The following CCDC102B variants were observed in gnomAD, a reference collection of about 807,000 sequenced individuals.
CCDC102B encodes coiled-coil domain-containing protein 102B.
A neutral mutation model predicts 57.4 loss-of-function variants in CCDC102B; 75 were observed. The observed-to-expected ratio is 1.31, with a 90% confidence interval of 1.08 to 1.58. The LOEUF is 1.58. Ranked by LOEUF, CCDC102B falls within the 40% of genes most tolerant of loss-of-function variation. The probability of loss-of-function intolerance (pLI) is 0.00; values close to 1 mark genes in which losing one functional copy is unlikely to be tolerated. For synonymous variants in CCDC102B, 206 were observed against 201.9 expected, an observed-to-expected ratio of 1.02 and a Z score of -0.17; for missense variants, 636 against 582.6, an observed-to-expected ratio of 1.09 and a Z score of -0.94.
At chr18:68,857,686 T>C (rs1339710128) in intron 4 of CCDC102B, among the ~76,000 whole-genome samples, 3 of 151,922 alleles carry the variant, frequency 2.0e-5, no homozygotes, top group Non-Finnish European at 4.4e-5. Context: ...TTTTGTAATT[T>C]TCATGTACTG....
At chr18:68,931,801 C>G (rs548051739) in intron 6 of CCDC102B, among the ~76,000 whole-genome samples, 71 of 151,952 alleles carry the variant, frequency 4.7e-4, no homozygotes, top group Middle Eastern at 3.4e-3. Context: ...TCACCCATAT[C>G]CATTGGCTAA....
intron 6 of CCDC102B, among the ~76,000 whole-genome samples, chr18:68,926,000 T>G (rs2041463555): frequency 6.6e-6 from 1 of 152,008 alleles, no homozygotes; most frequent in Non-Finnish European, 1.5e-5. Flanking sequence ...ATTTATACAT[T>G]TTGGAGTTTT....
chr18:68,869,594 T>C (rs1403585893), intron 4 of CCDC102B, among the ~76,000 whole-genome samples: 1 of 152,232 alleles, frequency 6.6e-6, no homozygotes, highest in Non-Finnish European at 1.5e-5. Context: ...TAAATCTGTT[T>C]AAGTTCGTTA....
chr18:69,053,457 A>C (rs1332316488), intron 7 of CCDC102B, among the ~76,000 whole-genome samples: 1 of 151,736 alleles, frequency 6.6e-6, no homozygotes, highest in Non-Finnish European at 1.5e-5. Context: ...CAAGAGGGGA[A>C]ATGGGAGAAG....
At chr18:69,031,642 T>G (rs1226406183) in intron 7 of CCDC102B, among the ~76,000 whole-genome samples, 1 of 152,118 alleles carries the variant, frequency 6.6e-6, no homozygotes, top group East Asian at 1.9e-4. Context: ...TTCAAAACTT[T>G]TTTGGATGAA....
intron 4 of CCDC102B, among the ~76,000 whole-genome samples, chr18:68,857,296 T>TAA (rs1568292957): frequency 0.082 from 1,750 of 21,392 alleles, 146 homozygotes; most frequent in Non-Finnish European, 0.098. Context: ...TTATATATTA[T>TAA]ATATATAATA....
intron 5 of CCDC102B, among the ~76,000 whole-genome samples, chr18:68,891,078 A>G (rs556487929): frequency 1.3e-5 from 2 of 152,244 alleles, no homozygotes; most frequent in African/African-American, 4.8e-5. Context: ...TTTTATCTGT[A>G]TCTCTTTTAA....
chr18:68,977,221 G>A (rs2050460523), intron 6 of CCDC102B, among the ~76,000 whole-genome samples: 1 of 151,968 alleles, frequency 6.6e-6, no homozygotes, highest in African/African-American at 2.4e-5. Context: ...TCAGTTTATA[G>A]TCTTGGGGTT....
chr18:68,862,390 G>T (rs1337300086), intron 4 of CCDC102B, among the ~76,000 whole-genome samples: 1 of 152,090 alleles, frequency 6.6e-6, no homozygotes, highest in Non-Finnish European at 1.5e-5. Context: ...ATGCAATTGA[G>T]TTAGGTATTA....
intron 7 of CCDC102B, among the ~76,000 whole-genome samples, chr18:69,045,390 A>T (rs1436012330): frequency 6.6e-6 from 1 of 152,088 alleles, no homozygotes; most frequent in African/African-American, 2.4e-5. Flanking sequence ...AAATACTCTC[A>T]AAATTATGGT....
At position 68,715,386 on chromosome 18, in the gene CCDC102B, G is replaced by A. The variant is rs2031882507; in HGVS notation, c.-134+25G>A. 4 of 368,254 alleles carry A rather than the reference G, an allele frequency of 1.1e-5. No individual in the cohort carries two copies. The South Asian group carries it at 1.9e-4, about 18-fold the overall frequency. The allele number at this position is 368,254 out of a possible 1,614,324, so 22.8% of individuals were successfully genotyped here. A position where few individuals can be genotyped will look rare whatever the true frequency, so the allele number is the denominator to read the frequency against. On this transcript the variant is annotated intron_variant, in intron 1 of 3. Coordinates refer to the CCDC102B transcript ENST00000578970. ...GGTAGGCTCTGACGACGCACTTGCAGGTTGAATACTGGCACATCATTTACT... is the reference window on the plus strand; with the variant it reads ...GGTAGGCTCTGACGACGCACTTGCAAGTTGAATACTGGCACATCATTTACT...
At chr18:68,745,980 G>A (rs2033603958) in intron 2 of CCDC102B, among the ~76,000 whole-genome samples, 1 of 152,110 alleles carries the variant, frequency 6.6e-6, no homozygotes, top group Non-Finnish European at 1.5e-5. Flanking sequence ...GCTTCCTTAA[G>A]ATGCCAAGAC....
intron 6 of CCDC102B, among the ~76,000 whole-genome samples, chr18:69,007,078 T>C (rs1159077364): frequency 6.6e-6 from 1 of 152,238 alleles, no homozygotes; most frequent in Non-Finnish European, 1.5e-5. Context: ...GCCTTTAAAC[T>C]GATTTTTTAA....
chr18:68,727,461 C>A (rs938607933), intron 2 of CCDC102B, among the ~76,000 whole-genome samples: 1 of 152,196 alleles, frequency 6.6e-6, no homozygotes, highest in Non-Finnish European at 1.5e-5. Context: ...TAAAGCATCC[C>A]AACATGCAGG....
intron 6 of CCDC102B, among the ~76,000 whole-genome samples, chr18:68,911,967 C>A: frequency 6.6e-6 from 1 of 151,856 alleles, no homozygotes; most frequent in Non-Finnish European, 1.5e-5. Context: ...TTTAACCAAT[C>A]CCATTTTGGT....
chr18:69,026,472 A>AAT (rs1252851918), intron 7 of CCDC102B, among the ~76,000 whole-genome samples: 10 of 151,864 alleles, frequency 6.6e-5, no homozygotes, highest in African/African-American at 2.4e-4. Flanking sequence ...AAAAAAAAAA[A>AAT]AAAACCCCAG....
chr18:68,824,850 A>C (rs1193470688), intron 1 of CCDC102B, among the ~76,000 whole-genome samples: 2 of 152,190 alleles, frequency 1.3e-5, no homozygotes, highest in Non-Finnish European at 2.9e-5. Flanking sequence ...TGATCTGAAA[A>C]ATTTCTTTGT....
chr18:68,823,478 A>T (rs577293428), intron 1 of CCDC102B: 2 of 152,120 alleles, frequency 1.3e-5, no homozygotes, highest in Non-Finnish European at 2.9e-5. Flanking sequence ...GGTTGATTCC[A>T]TGTCTTTGCT....
intron 1 of CCDC102B, among the ~76,000 whole-genome samples, chr18:68,815,037 T>C (rs1002515476): frequency 1.4e-4 from 22 of 152,166 alleles, no homozygotes; most frequent in Non-Finnish European, 2.5e-4. Flanking sequence ...TAAGGAGTTC[T>C]TTACTATTAT....
Sources: allele counts gnomAD v4.1 joint callset (sites outside exome capture counted in the v4.1 genomes callset), GRCh38; gene constraint gnomAD v4.1.1; transcripts MANE v1.5; gene names NCBI Gene and HGNC (gene_info 2026-07-23, HGNC 2026-07-21).